The following CRPPA variants were observed in gnomAD, a reference collection of about 807,000 sequenced individuals.
The protein encoded by CRPPA is D-ribitol-5-phosphate cytidylyltransferase.
A neutral mutation model predicts 52.0 loss-of-function variants in CRPPA; 43 were observed. The ratio of observed to expected loss-of-function variants is 0.83; its 90% CI spans 0.65 to 1.07. CRPPA has a LOEUF of 1.07. CRPPA is among the 50% of genes least tolerant of loss of function. The pLI, the probability that CRPPA is intolerant of heterozygous loss-of-function variation, is 0.00. For missense variants in CRPPA, 629 were observed against 551.7 expected, an observed-to-expected ratio of 1.14 and a Z score of -1.40; for synonymous variants, 250 against 203.5, an observed-to-expected ratio of 1.23 and a Z score of -1.94.
chr7:16,356,237 T>C (rs1369473460), intron 3 of CRPPA, among the ~76,000 whole-genome samples: 1 of 152,216 alleles, frequency 6.6e-6, no homozygotes, highest in African/African-American at 2.4e-5. Context: ...TTTTTCTATC[T>C]CTACATACTT....
In CRPPA at chr7:16,384,957, A is replaced by T. The variant is rs78184021; in HGVS notation, c.535-8716T>A. Reference sequence around the variant, plus strand: ...AAATTACACTTAAAGCAGTAAGGCAAGGTATGACAATATCACTAATGTTAA... The same window carrying T: ...AAATTACACTTAAAGCAGTAAGGCATGGTATGACAATATCACTAATGTTAA... On this transcript the variant is annotated intron_variant, in intron 2 of 9. Coordinates refer to ENST00000407010, the MANE Select transcript of CRPPA (RefSeq NM_001101426.4). 3.3e-5 allele frequency among the ~76,000 whole-genome samples: 5 copies of T among 152,354 alleles called. No individual in the cohort carries two copies. In the East Asian group the frequency reaches 9.6e-4, roughly 29 times the overall value.
chr7:16,378,401 A>C (rs938574899), intron 2 of CRPPA, among the ~76,000 whole-genome samples: 2 of 150,596 alleles, frequency 1.3e-5, no homozygotes, highest in African/African-American at 4.9e-5. Context: ...GAGAATGATG[A>C]TTTCCAATTT....
At chr7:16,212,971 C>T (rs1782191508) in intron 9 of CRPPA, among the ~76,000 whole-genome samples, 1 of 152,192 alleles carries the variant, frequency 6.6e-6, no homozygotes, top group African/African-American at 2.4e-5. Context: ...GATAAAACTG[C>T]TTACAGCACT....
intron 8 of CRPPA, among the ~76,000 whole-genome samples, chr7:16,241,946 CTTTTTTT>C (rs71549979): frequency 3.6e-5 from 2 of 55,400 alleles, no homozygotes; most frequent in Non-Finnish European, 7.2e-5. Flanking sequence ...AAAATCTATT[CTTTTTTT>C]TTTTTTTTTT....
At chr7:16,244,489 A>G (rs1015766763) in intron 8 of CRPPA, among the ~76,000 whole-genome samples, 1 of 152,216 alleles carries the variant, frequency 6.6e-6, no homozygotes, top group African/African-American at 2.4e-5. Context: ...AGGGAATTCC[A>G]AAGTATTTTT....
rs1001814723 is a variant in CRPPA, at chr7:16,215,929, T to C, written c.1251+137A>G. 10 of 612,288 alleles carry C rather than the reference T, an allele frequency of 1.6e-5. No homozygotes were observed. The South Asian group carries it at 1.8e-4, about 11-fold the overall frequency. The allele number at this position is 612,288 out of a possible 1,614,324, so 37.9% of individuals were successfully genotyped here. On this transcript the variant is annotated intron_variant, in intron 9 of 9. Coordinates refer to ENST00000407010, the MANE Select transcript of CRPPA (RefSeq NM_001101426.4). ...CTAGAGGCAAGAGGTTCTACTATTA[T>C]AGCACACACATAGATGAGTAACTTT...
At position 16,149,617 on chromosome 7, in the gene CRPPA, A is replaced by C. The variant is rs138337539; in HGVS notation, c.1252-57818T>G. 2.8e-3 allele frequency among the ~76,000 whole-genome samples: 424 copies of C among 152,334 alleles called. 1 individual carries two copies. The highest frequency in any genetic ancestry group is 9.1e-3 in the African/African-American group (380 of 41,572). On this transcript the variant is annotated intron_variant, in intron 9 of 9. Coordinates refer to ENST00000407010, the MANE Select transcript of CRPPA (RefSeq NM_001101426.4). ...AGAGATATTATGTAGCATGCCTCTA[A>C]GCTAAATTCTGAAGGTAACTAGCAA...
chr7:16,344,515 C>A (rs190087949), intron 3 of CRPPA, among the ~76,000 whole-genome samples: 1 of 151,054 alleles, frequency 6.6e-6, no homozygotes, highest in African/African-American at 2.4e-5. Context: ...GAATTATGAT[C>A]ATGCCAACCT....
intron 9 of CRPPA, among the ~76,000 whole-genome samples, chr7:16,155,321 A>G (rs1427662496): frequency 2.6e-5 from 4 of 152,240 alleles, no homozygotes; most frequent in African/African-American, 9.6e-5. Flanking sequence ...GTGGGCTGAC[A>G]TCACTGAACA....
intron 8 of CRPPA, among the ~76,000 whole-genome samples, chr7:16,239,791 C>CA (rs1783057872): frequency 6.6e-6 from 1 of 152,152 alleles, no homozygotes; most frequent in South Asian, 2.1e-4. Flanking sequence ...TTGCCAATCT[C>CA]AGTCATCTGA....
In CRPPA at chr7:16,139,458, G is replaced by A. The variant is rs548120671; in HGVS notation, c.1252-47659C>T. ...ATGACTGATTCATTTGATATTACGG[G>A]GGGTAAAGGTAAATTTAAAACTTTA... On this transcript the variant is annotated intron_variant, in intron 9 of 9. Coordinates refer to ENST00000407010, the MANE Select transcript of CRPPA (RefSeq NM_001101426.4). Among the ~76,000 whole-genome samples the A allele has an allele frequency of 7.9e-4, 120 of 152,098 alleles. 1 individual carries two copies. The highest frequency in any genetic ancestry group is 2.6e-3 in the African/African-American group (106 of 41,486).
chr7:16,100,109 C>A, intron 9 of CRPPA, among the ~76,000 whole-genome samples: 1 of 152,180 alleles, frequency 6.6e-6, no homozygotes, highest in East Asian at 1.9e-4. Flanking sequence ...CTAATCAACC[C>A]TTCTAACTGC....
chr7:16,264,583 A>G (rs1783903508), intron 6 of CRPPA, among the ~76,000 whole-genome samples: 1 of 152,220 alleles, frequency 6.6e-6, no homozygotes, highest in African/African-American at 2.4e-5. Flanking sequence ...TTCAATTCCC[A>G]TGAGTCAGAA....
At chr7:16,380,951 T>G (rs544715545) in intron 2 of CRPPA, among the ~76,000 whole-genome samples, 6 of 152,038 alleles carry the variant, frequency 3.9e-5, no homozygotes, top group South Asian at 2.1e-4. Context: ...GCTCCTGGAT[T>G]CATTAATTTT....
chr7:16,176,518 G>GT (rs1221914993), intron 9 of CRPPA, among the ~76,000 whole-genome samples: 2 of 152,056 alleles, frequency 1.3e-5, no homozygotes, highest in Non-Finnish European at 2.9e-5. Context: ...AACAAGAATA[G>GT]TAAGTGCTAT....
intron 2 of CRPPA, among the ~76,000 whole-genome samples, chr7:16,394,779 C>T (rs1787529012): frequency 1.3e-5 from 2 of 151,962 alleles, no homozygotes; most frequent in Admixed American, 1.3e-4. Flanking sequence ...GAAGAGAGAT[C>T]AAAGCAAAAG....
chr7:16,325,141 G>T (rs1785352914), intron 3 of CRPPA, among the ~76,000 whole-genome samples: 1 of 152,140 alleles, frequency 6.6e-6, no homozygotes, highest in African/African-American at 2.4e-5. Flanking sequence ...TGGATGAACT[G>T]GTTGGCAAAG....
intron 2 of CRPPA, among the ~76,000 whole-genome samples, chr7:16,396,379 T>A (rs1787568557): frequency 6.6e-6 from 1 of 152,138 alleles, no homozygotes; most frequent in African/African-American, 2.4e-5. Flanking sequence ...AACACCTTAC[T>A]CCTGCAAGAA....
chr7:16,180,057 G>C (rs17150160), intron 9 of CRPPA, among the ~76,000 whole-genome samples: 3,325 of 152,154 alleles, frequency 0.022, 126 homozygotes, highest in African/African-American at 0.076. Context: ...AAGTCACGGA[G>C]ATAAATAAAA....
Sources: allele counts gnomAD v4.1 joint callset (sites outside exome capture counted in the v4.1 genomes callset), GRCh38; gene constraint gnomAD v4.1.1; transcripts MANE v1.5; gene names NCBI Gene and HGNC (gene_info 2026-07-23, HGNC 2026-07-21).